The following KTN1 variants were observed in gnomAD, a reference collection of about 807,000 sequenced individuals.
The protein encoded by KTN1 is kinectin 1, also known as kinectin.
In KTN1, 130 loss-of-function variants were observed where a neutral mutation model predicts 222.5. The ratio of observed to expected loss-of-function variants is 0.58; its 90% confidence interval spans 0.51 to 0.68. KTN1 has a LOEUF of 0.68. Among genes scored for constraint, KTN1 ranks in the 30% least tolerant of loss-of-function variants. The probability of loss-of-function intolerance (pLI) is 0.00; values close to 1 mark genes in which losing one functional copy is unlikely to be tolerated. For synonymous variants in KTN1, 512 were observed against 496.3 expected (o/e 1.03, Z -0.42); for missense variants, 1,508 against 1,500.4 (o/e 1.01, Z -0.08).
At chr14:55,676,870 G>A (rs1175742974) in intron 41 of KTN1, among the ~76,000 whole-genome samples, 1 of 152,056 alleles carries the variant, frequency 6.6e-6, no homozygotes, top group Admixed American at 6.5e-5. Flanking sequence ...ATGTGAATTT[G>A]GGTCTGTTTT....
rs1330421061 is a variant in KTN1, at chr14:55,631,270, TC to T, written c.1221+1175del. 6.0e-5 allele frequency among the ~76,000 whole-genome samples: 9 copies of T among 150,056 alleles called. No individual in the cohort carries two copies. In the Admixed American group the frequency reaches 6.0e-4, roughly 10 times the overall value. Reference sequence around the variant, plus strand: ...ATTGTTACTTCCATCTGCTGGCTGATCCTTCAATTTGGAAGGTCTGTCATTA... The same window carrying T: ...ATTGTTACTTCCATCTGCTGGCTGATCTTCAATTTGGAAGGTCTGTCATTA... On this transcript the variant is annotated intron_variant, in intron 7 of 43. Transcript: ENST00000395314.
intron 41 of KTN1, among the ~76,000 whole-genome samples, chr14:55,677,473 TAAAAAAA>T (rs72424779): frequency 5.1e-5 from 5 of 98,378 alleles, no homozygotes; most frequent in Middle Eastern, 0.011. Context: ...AAAGACTGTC[TAAAAAAA>T]AAAAAAAAAA....
intron 6 of KTN1, 57 bp from the exon 7 acceptor site, chr14:55,629,900 C>T (rs1282542923): frequency 2.5e-5 from 26 of 1,043,228 alleles, no homozygotes; most frequent in Non-Finnish European, 3.6e-5. Flanking sequence ...ATCATTGTTG[C>T]AGGCTTATGA....
intron 1 of KTN1, among the ~76,000 whole-genome samples, chr14:55,607,877 G>A (rs1177423945): frequency 6.6e-6 from 1 of 152,130 alleles, no homozygotes; most frequent in African/African-American, 2.4e-5. Flanking sequence ...CCTGAGCAGT[G>A]TATATATAGA....
At position 55,648,092 on chromosome 14, in the gene KTN1, G is replaced by A. The variant is rs775587633; in HGVS notation, c.2275G>A (p.Ala759Thr). ...ELLETGLIQV[A>T]TKEEELNAIR... Reference sequence around the variant, plus strand: ...ACTTGAAACTGGACTTATTCAGGTGGCAACTAAAGAAGAGGAGCTGAATGT... The same window carrying A: ...ACTTGAAACTGGACTTATTCAGGTGACAACTAAAGAAGAGGAGCTGAATGT... The change falls in exon 20 of 44, where the codon GCA becomes ACA. Residue 759 changes from alanine to threonine, a missense_variant. Ala to Thr is a moderately conservative substitution (Grantham distance 58). Transcript: ENST00000395314. 3.8e-6 allele frequency: 6 copies of A among 1,563,862 alleles called. No individual in the cohort carries two copies. Among genetic ancestry groups the A allele is most frequent in the South Asian group, 1.2e-5 (1 of 84,014 alleles).
intron 1 of KTN1, among the ~76,000 whole-genome samples, chr14:55,588,026 T>C (rs1381040619): frequency 2.0e-5 from 3 of 152,154 alleles, no homozygotes. Flanking sequence ...TTGGACAATG[T>C]GGGAATTAGG....
chr14:55,592,234 T>A (rs889897708), intron 1 of KTN1, among the ~76,000 whole-genome samples: 3 of 152,260 alleles, frequency 2.0e-5, no homozygotes. Flanking sequence ...TTTTATGTTG[T>A]CTCACAGTTC....
intron 12 of KTN1, among the ~76,000 whole-genome samples, chr14:55,638,098 C>G (rs947216551): frequency 1.1e-4 from 16 of 151,850 alleles, no homozygotes; most frequent in Non-Finnish European, 7.4e-5. Context: ...AAAATGTCCC[C>G]AATCCTGTCA....
intron 7 of KTN1, among the ~76,000 whole-genome samples, chr14:55,631,343 TATA>T (rs1566752693): frequency 5.1e-5 from 5 of 98,994 alleles, no homozygotes; most frequent in Non-Finnish European, 6.4e-5. Flanking sequence ...ATAAGGTTGA[TATA>T]TATATATATA....
intron 1 of KTN1, among the ~76,000 whole-genome samples, chr14:55,594,389 AG>A (rs1313892676): frequency 6.6e-6 from 1 of 152,110 alleles, no homozygotes; most frequent in Non-Finnish European, 1.5e-5. Flanking sequence ...ATAATTAGTT[AG>A]ACTCTTTAAG....
rs2041765046 is a variant in KTN1 at position 55,641,199 on chromosome 14, A to G, written c.2094A>G (p.Glu698=). The G allele has an allele frequency of 2.5e-6, 4 of 1,586,630 alleles. No individual in the cohort carries two copies. Among genetic ancestry groups the G allele is most frequent in the Non-Finnish European group, 2.6e-6 (3 of 1,163,596 alleles). Residue 698 remains glutamate (E), a synonymous_variant, in exon 17 of 44, where the codon GAA becomes GAG. Transcript: ENST00000395314. ...QLQHEISNKM[E]EFKILNDQNK... Reference sequence around the variant, plus strand: ...AACATGAAATTTCAAACAAAATGGAAGAATTTAAGGTGTGTGATTAAGCTT... The same window carrying G: ...AACATGAAATTTCAAACAAAATGGAGGAATTTAAGGTGTGTGATTAAGCTT...
In KTN1 at chr14:55,664,043, T is replaced by C; in HGVS notation, c.3177+2T>C. The C allele has an allele frequency of 1.2e-6, 2 of 1,600,910 alleles. No individual in the cohort carries two copies. The highest frequency in any genetic ancestry group is 1.7e-6 in the Non-Finnish European group (2 of 1,169,204). On this transcript the variant is annotated splice_donor_variant, in intron 33 of 43. Transcript: ENST00000395314. LOFTEE classifies it high-confidence loss of function. ...GACAAAGTGAACAAGACTTCCAAGG[T>C]TGTAATGCTAACTCCTAGAAACAAT...
At position 55,664,049 on chromosome 14, in the gene KTN1, T is replaced by G. The variant is rs1461698733; in HGVS notation, c.3177+8T>G. ...GTGAACAAGACTTCCAAGGTTGTAA[T>G]GCTAACTCCTAGAAACAATCCACTG... On this transcript the variant is annotated splice_region_variant and intron_variant, in intron 33 of 43. Transcript: ENST00000395314. 6 of 1,588,068 alleles carry G rather than the reference T, an allele frequency of 3.8e-6. No homozygotes were observed. In the Admixed American group the frequency reaches 1.0e-4, roughly 27 times the overall value.
At position 55,612,009 on chromosome 14, in the gene KTN1, C is replaced by G; in HGVS notation, c.-30-10C>G. On this transcript the variant is annotated splice_polypyrimidine_tract_variant and intron_variant, in intron 1 of 43. Transcript: ENST00000395314. The stretch of plus-strand genomic sequence containing the variant: ...TTTTTTTTTTTGTCCCCACCTTCTT[C>G]CCTATTTAGGTTTTATAGGATCACA... The G allele has an allele frequency of 8.9e-7, 1 of 1,127,102 alleles. No individual in the cohort carries two copies. The allele number at this position is 1,127,102 out of a possible 1,614,324, so 69.8% of individuals were successfully genotyped here.
chr14:55,592,375 G>C (rs529954451), intron 1 of KTN1, among the ~76,000 whole-genome samples: 28 of 152,258 alleles, frequency 1.8e-4, no homozygotes, highest in African/African-American at 6.7e-4. Context: ...ATAATACTTT[G>C]ACAGTATGGA....
chr14:55,613,899 G>A (rs1472047155), intron 2 of KTN1, among the ~76,000 whole-genome samples: 1 of 152,194 alleles, frequency 6.6e-6, no homozygotes, highest in African/African-American at 2.4e-5. Context: ...GATAGAGAAA[G>A]TATAGAGGAA....
At chr14:55,602,947 T>C (rs973340161) in intron 1 of KTN1, among the ~76,000 whole-genome samples, 1 of 152,172 alleles carries the variant, frequency 6.6e-6, no homozygotes, top group East Asian at 1.9e-4. Flanking sequence ...AATAGTAGCA[T>C]TAGGAACAGA....
intron 1 of KTN1, among the ~76,000 whole-genome samples, chr14:55,597,248 T>G (rs1306888083): frequency 6.6e-6 from 1 of 152,224 alleles, no homozygotes; most frequent in African/African-American, 2.4e-5. Flanking sequence ...TAGTATAAGC[T>G]AAACTTTGTG....
chr14:55,663,513 A>C (rs1309274663), intron 32 of KTN1: 1 of 163,788 alleles, frequency 6.1e-6, no homozygotes, highest in Non-Finnish European at 1.3e-5. Flanking sequence ...TAAACCATAG[A>C]GAAAAAACGT....
Sources: gnomAD v4.1 joint callset for allele counts (sites outside exome capture counted in the v4.1 genomes callset) on GRCh38, gnomAD v4.1.1 for gene constraint, MANE v1.5 for transcripts, NCBI Gene and HGNC (gene_info 2026-07-23, HGNC 2026-07-21) for gene names.